OXSR1: variants seen among roughly 807,000 people sequenced by gnomAD.
OXSR1 encodes the protein serine/threonine-protein kinase OSR1.
A neutral mutation model predicts 79.8 loss-of-function variants in OXSR1; 24 were observed. The ratio of observed to expected loss-of-function variants is 0.30; its 90% CI spans 0.22 to 0.42. OXSR1 has a LOEUF of 0.42. Ranked by LOEUF, OXSR1 falls within the 10% of genes least tolerant of loss-of-function variation. OXSR1 has a pLI of 1.00. For synonymous variants in OXSR1, 226 were observed against 209.2 expected (o/e 1.08, Z -0.69); for missense variants, 430 against 618.4 (o/e 0.70, Z 3.23).
intron 1 of OXSR1, among the ~76,000 whole-genome samples, chr3:38,178,092 A>G (rs1297770224): frequency 6.6e-6 from 1 of 151,496 alleles, no homozygotes; most frequent in African/African-American, 2.4e-5. Context: ...GGGATTACAG[A>G]TGTGTGCGAC....
intron 1 of OXSR1, among the ~76,000 whole-genome samples, chr3:38,169,597 G>A (rs1408543244): frequency 5.3e-5 from 8 of 151,752 alleles, no homozygotes; most frequent in East Asian, 3.9e-4. Context: ...GAGCCACTGC[G>A]CCTGGCTGTT....
intron 4 of OXSR1, among the ~76,000 whole-genome samples, chr3:38,213,196 A>G (rs947049141): frequency 3.3e-5 from 5 of 152,210 alleles, no homozygotes; most frequent in African/African-American, 4.8e-5. Flanking sequence ...GGTGTATGGT[A>G]CAAAATAAGT....
chr3:38,229,851 A>G (rs1235774534), intron 9 of OXSR1, 116 bp downstream of exon 9: 2 of 796,778 alleles, frequency 2.5e-6, no homozygotes, highest in Non-Finnish European at 4.3e-6. Flanking sequence ...GGTAGATAAA[A>G]TAATTGCAGA....
At chr3:38,251,502 C>A in intron 16 of OXSR1, 31 bp downstream of exon 16, 1 of 1,531,450 alleles carries the variant, frequency 6.5e-7, no homozygotes, top group Non-Finnish European at 9.1e-7. Context: ...TCATGTGCTC[C>A]TGTGTCTCTG....
At chr3:38,252,673 A>G (rs1240292990) in intron 17 of OXSR1, 144 bp from the exon 18 acceptor site, 54 of 674,794 alleles carry the variant, frequency 8.0e-5, no homozygotes, top group Non-Finnish European at 1.0e-5. Context: ...CTTTTCTGGA[A>G]TAAACACCTT....
chr3:38,199,147 T>C (rs190586638), intron 4 of OXSR1, among the ~76,000 whole-genome samples: 2 of 152,352 alleles, frequency 1.3e-5, no homozygotes, highest in East Asian at 1.9e-4. Context: ...TTAAAAAATA[T>C]CTAAAACAAT....
chr3:38,216,238 T>G, intron 5 of OXSR1, 87 bp downstream of exon 5: 1 of 845,742 alleles, frequency 1.2e-6, no homozygotes, highest in Non-Finnish European at 1.9e-6. Flanking sequence ...CAGCATTCTC[T>G]CCTGTTCCCT....
intron 7 of OXSR1, 60 bp downstream of exon 7, chr3:38,223,973 T>TTA: frequency 1.0e-6 from 1 of 989,444 alleles, no homozygotes; most frequent in Non-Finnish European, 1.5e-6. Flanking sequence ...TCAGAGCCAT[T>TTA]TGCCAGTCTT....
chr3:38,219,496 T>C (rs1488848827), intron 5 of OXSR1, among the ~76,000 whole-genome samples: 1 of 152,174 alleles, frequency 6.6e-6, no homozygotes, highest in African/African-American at 2.4e-5. Context: ...TTAAAATATA[T>C]TACAGGGACT....
At chr3:38,169,706 A>G (rs1575301765) in intron 1 of OXSR1, among the ~76,000 whole-genome samples, 1 of 146,456 alleles carries the variant, frequency 6.8e-6, no homozygotes, top group Non-Finnish European at 1.5e-5. Context: ...TAATTTAAAT[A>G]TTTTCCTGTC....
intron 4 of OXSR1, among the ~76,000 whole-genome samples, chr3:38,209,606 G>C (rs9311182): frequency 0.14 from 20,362 of 146,514 alleles, 1,766 homozygotes; most frequent in Middle Eastern, 0.27. Context: ...ATTCCATTTC[G>C]TTTCCTCTCT....
intron 11 of OXSR1, among the ~76,000 whole-genome samples, chr3:38,239,522 C>T (rs764872344): frequency 2.0e-5 from 3 of 152,174 alleles, no homozygotes; most frequent in Non-Finnish European, 2.9e-5. Flanking sequence ...TTTGAGAACA[C>T]TACCCAATCA....
At chr3:38,200,890 A>C (rs1474657197) in intron 4 of OXSR1, among the ~76,000 whole-genome samples, 1 of 152,254 alleles carries the variant, frequency 6.6e-6, no homozygotes, top group Non-Finnish European at 1.5e-5. Context: ...TTAGCAGTAC[A>C]TAAGAATGGT....
chr3:38,235,149 T>C (rs1413742588), intron 10 of OXSR1, among the ~76,000 whole-genome samples: 1 of 152,142 alleles, frequency 6.6e-6, no homozygotes, highest in East Asian at 1.9e-4. Flanking sequence ...GATAAAAATG[T>C]TCTAAATTTG....
chr3:38,240,041 C>G (rs1702997203), intron 11 of OXSR1, among the ~76,000 whole-genome samples: 1 of 151,926 alleles, frequency 6.6e-6, no homozygotes. Flanking sequence ...AAATCTGGTC[C>G]CTGTTTATTC....
chr3:38,252,988 A>G lies in OXSR1; in HGVS notation c.*97A>G. On this transcript the variant is annotated 3_prime_UTR_variant, in exon 18 of 18. Coordinates refer to ENST00000311806, the MANE Select transcript of OXSR1 (RefSeq NM_005109.3). ...ACCCACTACTGCCAAAGAACCCAGCAACAAACCTCCCGGCTAGGAGCTTTA... is the reference window on the plus strand; with the variant it reads ...ACCCACTACTGCCAAAGAACCCAGCGACAAACCTCCCGGCTAGGAGCTTTA... The G allele has an allele frequency of 1.1e-6, 1 of 902,028 alleles. No individual in the cohort carries two copies. Among genetic ancestry groups the G allele is most frequent in the South Asian group, 1.4e-5 (1 of 72,312 alleles). The allele number at this position is 902,028 out of a possible 1,614,324, so 55.9% of individuals were successfully genotyped here. A position where few individuals can be genotyped will look rare whatever the true frequency, so the allele number is the denominator to read the frequency against.
intron 2 of OXSR1, among the ~76,000 whole-genome samples, chr3:38,184,298 A>G (rs1186535537): frequency 6.6e-6 from 1 of 152,192 alleles, no homozygotes; most frequent in African/African-American, 2.4e-5. Flanking sequence ...TACGAGCAGG[A>G]GCTGAAGGAG....
At chr3:38,178,939 C>T (rs547404409) in intron 1 of OXSR1, among the ~76,000 whole-genome samples, 1 of 151,706 alleles carries the variant, frequency 6.6e-6, no homozygotes, top group South Asian at 2.1e-4. Flanking sequence ...TCATGGCCCA[C>T]TGCAGCCTCA....
chr3:38,165,635 G>C lies in OXSR1; in HGVS notation c.-242G>C. 1 of 505,492 alleles carries C rather than the reference G, an allele frequency of 2.0e-6. No homozygotes were observed. The highest frequency in any genetic ancestry group is 3.5e-5 in the East Asian group (1 of 28,470). The allele number at this position is 505,492 out of a possible 1,614,324, so 31.3% of individuals were successfully genotyped here. On this transcript the variant is annotated 5_prime_UTR_variant, in exon 1 of 18. Coordinates refer to ENST00000311806, the MANE Select transcript of OXSR1 (RefSeq NM_005109.3). Reference sequence around the variant, plus strand: ...TGCGGAGGCCGAGGACAGGACGTGGGCTGGGCCGGGCAGTGCCGGACTCGG... The same window carrying C: ...TGCGGAGGCCGAGGACAGGACGTGGCCTGGGCCGGGCAGTGCCGGACTCGG...
Sources: allele counts gnomAD v4.1 joint callset (sites outside exome capture counted in the v4.1 genomes callset), GRCh38; gene constraint gnomAD v4.1.1; transcripts MANE v1.5; gene names NCBI Gene and HGNC (gene_info 2026-07-23, HGNC 2026-07-21).